SOX15: variants seen among roughly 807,000 people sequenced by gnomAD.
SOX15 encodes the protein SRY-box transcription factor 15, also known as transcription factor SOX-15.
Under a neutral mutation model 15.9 loss-of-function variants are expected in SOX15, and 12 were observed. The observed-to-expected ratio is 0.75, with a 90% confidence interval of 0.48 to 1.22. SOX15 has a LOEUF of 1.22. Among genes scored for constraint, SOX15 ranks in the 50% most tolerant of loss-of-function variants. The pLI is 0.00. For synonymous variants in SOX15, 149 were observed against 142.8 expected (o/e 1.04, Z -0.31); for missense variants, 309 against 313.9 (o/e 0.98, Z 0.12).
intron 1 of SOX15, 60 bp from the exon 2 acceptor site, chr17:7,588,606 G>T: frequency 6.5e-7 from 1 of 1,539,708 alleles, no homozygotes; most frequent in Non-Finnish European, 9.0e-7. Context: ...AGTCTGGCCA[G>T]TTCTGGGCAG....
chr17:7,589,530 C>T lies in SOX15; in HGVS notation c.147G>A (p.Val49=). ...AAPGTLPLEK[V]KRPMNAFMVW... ...CCATGAACGCGTTCATCGGCCGCTT[C>T]ACCTTCTCCAGGGGCAGCGTCCCGG... Residue 49 remains valine, a synonymous_variant, in exon 1 of 2, where the codon GTG becomes GTA. Transcript: ENST00000250055. 1 of 1,610,670 alleles carries T rather than the reference C, an allele frequency of 6.2e-7. No homozygotes were observed. Among genetic ancestry groups the T allele is most frequent in the Non-Finnish European group, 8.5e-7 (1 of 1,178,984 alleles).
rs770854174 is a variant in SOX15 at position 7,588,483 on chromosome 17, G to A, written c.597C>T (p.Leu199=). The A allele has an allele frequency of 1.9e-6, 3 of 1,613,876 alleles. No homozygotes were observed. Among genetic ancestry groups the A allele is most frequent in the Non-Finnish European group, 1.7e-6 (2 of 1,179,888 alleles). ...TATAGGTGGGCAGCAGTTCCCCCTG[G>A]AGCCTAGGGTCACTCTGAGGGAGGG... ...PCSLPQSDPR[L]QGELLPTYTH... is the part of the protein sequence containing the mutation. Residue 199 remains leucine (L), a synonymous_variant, in exon 2 of 2, where the codon CTC becomes CTT. Transcript: ENST00000250055.
In SOX15 at chr17:7,590,015, C is replaced by A. The variant is rs911251548; in HGVS notation, c.-339G>T. On this transcript the variant is annotated 5_prime_UTR_variant, in exon 1 of 2. Transcript: ENST00000250055. ...CCGTGGAGGGGGTAAACCATAAACC[C>A]CTTTGTGGTCTCCGGAGTTCCGACA... 1.3e-5 allele frequency: 4 copies of A among 313,344 alleles called. No individual in the cohort carries two copies. The highest frequency in any genetic ancestry group is 8.8e-4 in the Middle Eastern group (1 of 1,138). The allele number at this position is 313,344 out of a possible 1,614,324, so 19.4% of individuals were successfully genotyped here. A position where few individuals can be genotyped will look rare whatever the true frequency, so the allele number is the denominator to read the frequency against.
Position 7,588,342 on chromosome 17 carries a change from A to C in SOX15, c.*36T>G. On this transcript the variant is annotated 3_prime_UTR_variant, in exon 2 of 2. Transcript: ENST00000250055. ...GATGCTGCTGGATTAAAAAAGGAGG[A>C]TGAGGCCCGTCCCGTGAGGTCTGCG... The C allele has an allele frequency of 6.2e-7, 1 of 1,605,382 alleles. No homozygotes were observed. Among genetic ancestry groups the C allele is most frequent in the Non-Finnish European group, 8.5e-7 (1 of 1,172,344 alleles).
In SOX15 at chr17:7,589,576, C is replaced by G. The variant is rs1567745877; in HGVS notation, c.101G>C (p.Gly34Ala). 6.3e-7 allele frequency: 1 copy of G among 1,581,558 alleles called. No individual in the cohort carries two copies. The highest frequency in any genetic ancestry group is 1.8e-5 in the Admixed American group (1 of 55,356). ...CCCGGGGGCCGCGGGGCTCCCAGCG[C>G]CCTCCCGCTCCTGGGGTCCCGAAGA... ...SSSSGPQERE[G>A]AGSPAAPGTL... Residue 34 changes from glycine (G) to alanine (A), a missense_variant, in exon 1 of 2, where the codon GGC becomes GCC. By Grantham distance (60) the Gly-to-Ala change is moderately conservative. Transcript: ENST00000250055.
rs1311955785 is a variant in SOX15, at chr17:7,588,458, T to C, written c.622A>G (p.Thr208Ala). Residue 208 changes from threonine to alanine, a missense_variant, in exon 2 of 2, where the codon ACC becomes GCC. Transcript: ENST00000250055. ...GGAGAGCCAGGGGGCAGGTAGTGGGTATAGGTGGGCAGCAGTTCCCCCTGG... is the reference window on the plus strand; with the variant it reads ...GGAGAGCCAGGGGGCAGGTAGTGGGCATAGGTGGGCAGCAGTTCCCCCTGG... The part of the protein sequence containing the change: ...RLQGELLPTY[T>A]HYLPPGSPTP... The C allele has an allele frequency of 6.2e-7, 1 of 1,612,788 alleles. No homozygotes were observed. Among genetic ancestry groups the C allele is most frequent in the Admixed American group, 1.7e-5 (1 of 59,934 alleles).
rs1198103052 is a variant in SOX15, at chr17:7,588,477, C to T, written c.603G>A (p.Gly201=). Residue 201 remains glycine, a synonymous_variant, in exon 2 of 2, where the codon GGG becomes GGA. Transcript: ENST00000250055. ...SLPQSDPRLQ[G]ELLPTYTHYL... ...AGTGGGTATAGGTGGGCAGCAGTTC[C>T]CCCTGGAGCCTAGGGTCACTCTGAG... 1.9e-6 allele frequency: 3 copies of T among 1,613,808 alleles called. No homozygotes were observed.
Position 7,589,638 on chromosome 17 carries a change from G to C in SOX15, c.39C>G (p.Ser13Arg), listed in dbSNP as rs1267867412. The change falls in exon 1 of 2, where the codon AGC becomes AGG. Residue 13 changes from serine to arginine, a missense_variant. Physicochemically the swap from Ser to Arg is moderately radical, Grantham distance 110. Coordinates refer to ENST00000250055, the MANE Select transcript of SOX15 (RefSeq NM_006942.2). ...CAGCCGTGGCAGCCGGAGGCTCCAG[G>C]CTCCAGGCCTGGTCCTGTGAGGAGC... ...LPGSSQDQAW[S>R]LEPPAATAAA... The C allele has an allele frequency of 1.0e-5, 16 of 1,547,970 alleles. No homozygotes were observed. In the African/African-American group the frequency reaches 2.0e-4, roughly 20 times the overall value.
rs2071639931 is a variant in SOX15 at position 7,589,965 on chromosome 17, C to G, written c.-289G>C. 2.2e-6 allele frequency: 1 copy of G among 461,758 alleles called. No individual in the cohort carries two copies. The highest frequency in any genetic ancestry group is 3.8e-6 in the Non-Finnish European group (1 of 260,512). 28.6% of individuals were successfully genotyped at this position (461,758 alleles called of 1,614,324 possible). On this transcript the variant is annotated 5_prime_UTR_variant, in exon 1 of 2. Coordinates refer to ENST00000250055, the MANE Select transcript of SOX15 (RefSeq NM_006942.2). ...GGGACCCCCGGTCCCTCTCCCCGAC[C>G]CGCAGCTGCGATCAGACCGACCTTC...
Position 7,589,815 on chromosome 17 carries a change from A to G in SOX15, c.-139T>C. ...TCCTTAAAAAGTGTATTTTATCCCC[A>G]AGCCCAGAGCTTAAACCGGAGCCTT... On this transcript the variant is annotated 5_prime_UTR_variant, in exon 1 of 2. Coordinates refer to ENST00000250055, the MANE Select transcript of SOX15 (RefSeq NM_006942.2). The G allele has an allele frequency of 1.3e-6, 1 of 749,248 alleles. No homozygotes were observed. Among genetic ancestry groups the G allele is most frequent in the South Asian group, 1.9e-5 (1 of 52,906 alleles). 46.4% of individuals were successfully genotyped at this position (749,248 alleles called of 1,614,324 possible).
Position 7,589,453 on chromosome 17 carries a change from T to C in SOX15, c.224A>G (p.His75Arg), listed in dbSNP as rs372117248. ...CAGGCGCTTGGAGATCTCGGAGTTG[T>C]GCATCTTGGGGTTCTGCTGCGCCAT... ...RQMAQQNPKM[H>R]NSEISKRLGA... is the part of the protein sequence containing the mutation. Residue 75 changes from histidine to arginine, a missense_variant, in exon 1 of 2, where the codon CAC becomes CGC. His to Arg is a conservative substitution (Grantham distance 29, BLOSUM62 0). Transcript: ENST00000250055. 9 of 1,613,708 alleles carry C rather than the reference T, an allele frequency of 5.6e-6. No individual in the cohort carries two copies. The African/African-American group carries it at 1.2e-4, about 22-fold the overall frequency.
Position 7,589,356 on chromosome 17 carries a change from G to C in SOX15, c.321C>G (p.Ala107=). The C allele has an allele frequency of 1.2e-6, 2 of 1,610,298 alleles. No individual in the cohort carries two copies. Among genetic ancestry groups the C allele is most frequent in the African/African-American group, 2.7e-5 (2 of 74,882 alleles). Residue 107 remains alanine, a synonymous_variant, in exon 1 of 2, where the codon GCC becomes GCG. Coordinates refer to ENST00000250055, the MANE Select transcript of SOX15 (RefSeq NM_006942.2). Reference sequence around the variant, plus strand: ...AGTCGGGGTAGTCGCGCAGGTGTCGGGCGCGGAGCCGCTTGGCCTCCTCCA... The same window carrying C: ...AGTCGGGGTAGTCGCGCAGGTGTCGCGCGCGGAGCCGCTTGGCCTCCTCCA... ...PFVEEAKRLR[A]RHLRDYPDYK...
In SOX15 at chr17:7,589,854, T is replaced by C; in HGVS notation, c.-178A>G. 1.6e-6 allele frequency: 1 copy of C among 611,766 alleles called. No individual in the cohort carries two copies. The highest frequency in any genetic ancestry group is 2.9e-5 in the East Asian group (1 of 33,900). The allele number at this position is 611,766 out of a possible 1,614,324, so 37.9% of individuals were successfully genotyped here. A position where few individuals can be genotyped will look rare whatever the true frequency, so the allele number is the denominator to read the frequency against. The stretch of plus-strand genomic sequence containing the variant: ...AACCGGAGCCTTTGCTTCCAACCTG[T>C]TCGGCACACTTTGGGGAGAGTCGAA... On this transcript the variant is annotated 5_prime_UTR_variant, in exon 1 of 2. Transcript: ENST00000250055.
Position 7,589,732 on chromosome 17 carries a change from G to T in SOX15, c.-56C>A. 1 of 1,424,452 alleles carries T rather than the reference G, an allele frequency of 7.0e-7. No individual in the cohort carries two copies. Among genetic ancestry groups the T allele is most frequent in the Non-Finnish European group, 9.3e-7 (1 of 1,073,566 alleles). 88.2% of individuals were successfully genotyped at this position (1,424,452 alleles called of 1,614,324 possible). On this transcript the variant is annotated 5_prime_UTR_variant, in exon 1 of 2. Coordinates refer to ENST00000250055, the MANE Select transcript of SOX15 (RefSeq NM_006942.2). ...GAATGCCCTCCCCTCAACGTGAAGCGTCGATCCTGAAAATGGAAAGGTCTT... is the reference window on the plus strand; with the variant it reads ...GAATGCCCTCCCCTCAACGTGAAGCTTCGATCCTGAAAATGGAAAGGTCTT...
Position 7,589,134 on chromosome 17 carries a change from A to G in SOX15, c.533+10T>C, listed in dbSNP as rs1163803649. On this transcript the variant is annotated intron_variant, in intron 1 of 1. Coordinates refer to ENST00000250055, the MANE Select transcript of SOX15 (RefSeq NM_006942.2). The stretch of plus-strand genomic sequence containing the variant: ...GGCCTCCGTCTTCGGCCCGCTTCCC[A>G]GGCACTCACCCATAGCTGCCAGGCA... The G allele has an allele frequency of 2.0e-6, 3 of 1,467,046 alleles. No homozygotes were observed. The South Asian group carries it at 4.1e-5, about 20-fold the overall frequency. 90.9% of individuals were successfully genotyped at this position (1,467,046 alleles called of 1,614,324 possible).
In SOX15 at chr17:7,588,316, G is replaced by A. The variant is rs1567745007; in HGVS notation, c.*62C>T. ...GAAAGGGTTGACAGCCTGGGGTAGG[G>A]GATGCTGCTGGATTAAAAAAGGAGG... is the stretch of plus-strand genomic sequence containing the variant. On this transcript the variant is annotated 3_prime_UTR_variant, in exon 2 of 2. Transcript: ENST00000250055. 1.3e-6 allele frequency: 2 copies of A among 1,517,456 alleles called. No homozygotes were observed. The highest frequency in any genetic ancestry group is 1.8e-6 in the Non-Finnish European group (2 of 1,092,000). 94.0% of individuals were successfully genotyped at this position (1,517,456 alleles called of 1,614,324 possible).
chr17:7,588,968 C>A (rs1290809096), intron 1 of SOX15, 176 bp downstream of exon 1: 1 of 621,108 alleles, frequency 1.6e-6, no homozygotes, highest in African/African-American at 1.9e-5. Context: ...TCTGGGAGAA[C>A]CCTGATCCGC....
Position 7,588,454 on chromosome 17 carries a change from T to A in SOX15, c.626A>T (p.His209Leu), listed in dbSNP as rs138127218. 29 of 1,613,214 alleles carry A rather than the reference T, an allele frequency of 1.8e-5. No homozygotes were observed. In the African/African-American group the frequency reaches 2.7e-4, roughly 15 times the overall value. The change falls in exon 2 of 2, where the codon CAC (histidine) becomes CTC (leucine). Residue 209 changes from histidine (H) to leucine (L), a missense_variant. Transcript: ENST00000250055. ...LQGELLPTYTHYLPPGSPTPY... is the reference protein window; with the variant it reads ...LQGELLPTYTLYLPPGSPTPY... ...AGTGGGAGAGCCAGGGGGCAGGTAG[T>A]GGGTATAGGTGGGCAGCAGTTCCCC...
chr17:7,589,345 C>T lies in SOX15; in HGVS notation c.332G>A (p.Arg111His), dbSNP rs2071632083. 1.9e-6 allele frequency: 3 copies of T among 1,608,884 alleles called. No homozygotes were observed. The highest frequency in any genetic ancestry group is 2.5e-6 in the Non-Finnish European group (3 of 1,177,428). Residue 111 changes from arginine to histidine, a missense_variant, in exon 1 of 2, where the codon CGC becomes CAC. Arg to His is a conservative substitution (Grantham distance 29). Transcript: ENST00000250055. The part of the protein sequence containing the change: ...EAKRLRARHL[R>H]DYPDYKYRPR... ...CCGGTACTTGTAGTCGGGGTAGTCGCGCAGGTGTCGGGCGCGGAGCCGCTT... is the reference window on the plus strand; with the variant it reads ...CCGGTACTTGTAGTCGGGGTAGTCGTGCAGGTGTCGGGCGCGGAGCCGCTT...
Sources: gnomAD v4.1 joint callset for allele counts on GRCh38, gnomAD v4.1.1 for gene constraint, MANE v1.5 for transcripts, NCBI Gene and HGNC (gene_info 2026-07-23, HGNC 2026-07-21) for gene names.